CRIM1: variants seen among roughly 807,000 people sequenced by gnomAD.
CRIM1 encodes the protein cysteine-rich motor neuron 1 protein.
CRIM1 carries 32 observed loss-of-function variants against 116.4 expected under a neutral mutation model. That is an observed-to-expected ratio of 0.27 (90% confidence interval 0.21 to 0.37). The LOEUF (loss-of-function observed/expected upper bound fraction) is 0.37. CRIM1 is among the 10% of genes least tolerant of loss of function. The pLI is 1.00. For synonymous variants in CRIM1, 590 were observed against 509.2 expected, an observed-to-expected ratio of 1.16 and a Z score of -2.13; for missense variants, 1,331 against 1,354.8, an observed-to-expected ratio of 0.98 and a Z score of 0.28.
At chr2:36,457,108 A>G (rs1677197279) in intron 4 of CRIM1, among the ~76,000 whole-genome samples, 1 of 152,088 alleles carries the variant, frequency 6.6e-6, no homozygotes, top group Admixed American at 6.5e-5. Flanking sequence ...TATTACCAGT[A>G]GTAGGAAGGC....
At chr2:36,398,972 G>A (rs1465998021) in intron 2 of CRIM1, among the ~76,000 whole-genome samples, 1 of 152,148 alleles carries the variant, frequency 6.6e-6, no homozygotes, top group Admixed American at 6.5e-5. Flanking sequence ...TATCATGGAG[G>A]GTAGACTGAA....
intron 2 of CRIM1, among the ~76,000 whole-genome samples, chr2:36,402,180 T>TA (rs1672458839): frequency 6.6e-6 from 1 of 152,104 alleles, no homozygotes; most frequent in African/African-American, 2.4e-5. Flanking sequence ...TAGCATATGG[T>TA]ATGATAAAAG....
intron 16 of CRIM1, among the ~76,000 whole-genome samples, chr2:36,548,181 T>C (rs1261484832): frequency 6.6e-6 from 1 of 152,106 alleles, no homozygotes; most frequent in Non-Finnish European, 1.5e-5. Flanking sequence ...CCCTTTGTTT[T>C]TAAAATCTGC....
chr2:36,461,966 C>T (rs1018822166), intron 4 of CRIM1, among the ~76,000 whole-genome samples: 2 of 152,116 alleles, frequency 1.3e-5, no homozygotes, highest in South Asian at 2.1e-4. Flanking sequence ...ATTTCACGTT[C>T]AGGGGAAGCT....
In CRIM1 at chr2:36,537,617, G is replaced by A. The variant is rs1167262230; in HGVS notation, c.2623+71G>A. 9 of 1,440,320 alleles carry A rather than the reference G, an allele frequency of 6.2e-6. No individual in the cohort carries two copies. In the East Asian group the frequency reaches 7.5e-5, roughly 12 times the overall value. 89.2% of individuals were successfully genotyped at this position (1,440,320 alleles called of 1,614,324 possible). ...TTAAGATGAAATCGAAGCAGAGCTC[G>A]ACCTGCCCCTTCTTTCATTCGTTCA... On this transcript the variant is annotated intron_variant, in intron 14 of 16. Transcript: ENST00000280527.
chr2:36,377,790 T>C (rs1328981967), intron 1 of CRIM1, among the ~76,000 whole-genome samples: 1 of 152,190 alleles, frequency 6.6e-6, no homozygotes. Context: ...TTCTCTCTTA[T>C]CATAAAATAA....
At chr2:36,548,225 C>G (rs550627440) in intron 16 of CRIM1, among the ~76,000 whole-genome samples, 1 of 151,548 alleles carries the variant, frequency 6.6e-6, no homozygotes, top group African/African-American at 2.4e-5. Flanking sequence ...CCCCTTGAAA[C>G]ACAAGGTCTG....
intron 7 of CRIM1, among the ~76,000 whole-genome samples, chr2:36,480,312 T>C (rs1679308200): frequency 6.6e-6 from 1 of 152,220 alleles, no homozygotes; most frequent in South Asian, 2.1e-4. Context: ...TTCCAGCTCA[T>C]TTCCTCCATC....
chr2:36,437,248 G>A (rs552486825), intron 2 of CRIM1, among the ~76,000 whole-genome samples: 5 of 152,024 alleles, frequency 3.3e-5, no homozygotes, highest in African/African-American at 4.8e-5. Flanking sequence ...GGTGGTGGGC[G>A]CCTGTAGTCC....
At chr2:36,407,702 T>TC (rs1412780039) in intron 2 of CRIM1, among the ~76,000 whole-genome samples, 1 of 87,098 alleles carries the variant, frequency 1.1e-5, no homozygotes, top group African/African-American at 5.7e-5. Context: ...CTTGTGCCCG[T>TC]CAAAAAAAAA....
intron 15 of CRIM1, 89 bp from the exon 16 acceptor site, chr2:36,546,895 A>C: frequency 1.4e-6 from 1 of 734,516 alleles, no homozygotes; most frequent in South Asian, 2.0e-5. Context: ...AATAAAACCA[A>C]GTTGCTGATC....
intron 1 of CRIM1, among the ~76,000 whole-genome samples, chr2:36,388,132 A>G (rs1226245258): frequency 1.3e-5 from 2 of 152,154 alleles, no homozygotes; most frequent in East Asian, 1.9e-4. Context: ...GAAACTTCCA[A>G]ATATATACAG....
intron 4 of CRIM1, among the ~76,000 whole-genome samples, chr2:36,463,266 A>G (rs902633196): frequency 2.0e-5 from 3 of 152,212 alleles, no homozygotes; most frequent in African/African-American, 7.2e-5. Flanking sequence ...TCTGGGCCTC[A>G]TTATTGAAGT....
At chr2:36,375,863 A>C (rs370019540) in intron 1 of CRIM1, among the ~76,000 whole-genome samples, 1 of 152,256 alleles carries the variant, frequency 6.6e-6, no homozygotes, top group Non-Finnish European at 1.5e-5. Context: ...GTAGAGTTTT[A>C]GTTGGATCAT....
chr2:36,390,673 C>T (rs1194488949), intron 1 of CRIM1, among the ~76,000 whole-genome samples: 1 of 151,976 alleles, frequency 6.6e-6, no homozygotes, highest in African/African-American at 2.4e-5. Context: ...TAGTTTAATA[C>T]AGAGGACATT....
At chr2:36,377,392 A>G (rs894633643) in intron 1 of CRIM1, among the ~76,000 whole-genome samples, 7 of 152,252 alleles carry the variant, frequency 4.6e-5, no homozygotes, top group African/African-American at 1.7e-4. Flanking sequence ...GATAAATTCC[A>G]TAGGGAGAAA....
At chr2:36,513,403 T>A (rs1193657097) in intron 10 of CRIM1, 153 bp from the exon 11 acceptor site, 8 of 629,808 alleles carry the variant, frequency 1.3e-5, no homozygotes, top group Non-Finnish European at 2.0e-5. Flanking sequence ...ACATACTGAC[T>A]TAAATTCTTT....
intron 2 of CRIM1, among the ~76,000 whole-genome samples, chr2:36,422,373 A>C (rs955890598): frequency 6.6e-6 from 1 of 152,168 alleles, no homozygotes; most frequent in Non-Finnish European, 1.5e-5. Flanking sequence ...TGTGTAGTTA[A>C]TAAAAGGTGG....
At chr2:36,534,033 G>A (rs1464287157) in intron 13 of CRIM1, among the ~76,000 whole-genome samples, 2 of 143,860 alleles carry the variant, frequency 1.4e-5, no homozygotes, top group African/African-American at 2.6e-5. Context: ...GTGAAAAGGA[G>A]AGAAGGAAGG....
Sources: allele counts gnomAD v4.1 joint callset (sites outside exome capture counted in the v4.1 genomes callset), GRCh38; gene constraint gnomAD v4.1.1; transcripts MANE v1.5; gene names NCBI Gene and HGNC (gene_info 2026-07-23, HGNC 2026-07-21).